The following CNTNAP4 variants were observed in gnomAD, a reference collection of about 807,000 sequenced individuals.
CNTNAP4 encodes the protein contactin-associated protein-like 4.
In CNTNAP4, 98 loss-of-function variants were observed where a neutral mutation model predicts 148.4. That is an observed-to-expected ratio of 0.66 (90% CI 0.56 to 0.78). The LOEUF (loss-of-function observed/expected upper bound fraction) is 0.78, where lower values mean the gene tolerates loss of function less well. CNTNAP4 is among the 30% of genes least tolerant of loss of function. The pLI is 0.00. For synonymous variants in CNTNAP4, 730 were observed against 565.1 expected (o/e 1.29, Z -4.14); for missense variants, 1,935 against 1,565.6 (o/e 1.24, Z -3.98).
chr16:76,515,323 C>G (rs774874462), intron 15 of CNTNAP4, among the ~76,000 whole-genome samples: 47 of 152,172 alleles, frequency 3.1e-4, no homozygotes, highest in Non-Finnish European at 6.0e-4. Flanking sequence ...CCCAATGTGA[C>G]TATATTTGAA....
intron 1 of CNTNAP4, among the ~76,000 whole-genome samples, chr16:76,295,225 G>T (rs1959205026): frequency 6.6e-6 from 1 of 152,160 alleles, no homozygotes; most frequent in South Asian, 2.1e-4. Context: ...GAGGAAAGAA[G>T]GCGGAAACAC....
At chr16:76,437,308 A>C (rs2079867926) in intron 4 of CNTNAP4, among the ~76,000 whole-genome samples, 2 of 152,150 alleles carry the variant, frequency 1.3e-5, no homozygotes, top group African/African-American at 4.8e-5. Flanking sequence ...ACACCCTCAC[A>C]GACACACCCA....
intron 3 of CNTNAP4, among the ~76,000 whole-genome samples, chr16:76,360,513 C>G (rs1223867476): frequency 6.6e-6 from 1 of 152,222 alleles, no homozygotes; most frequent in East Asian, 1.9e-4. Flanking sequence ...TTCTCTTGAC[C>G]TAAGCCTACA....
chr16:76,371,252 A>G (rs1209966613), intron 3 of CNTNAP4, among the ~76,000 whole-genome samples: 1 of 152,144 alleles, frequency 6.6e-6, no homozygotes, highest in Non-Finnish European at 1.5e-5. Flanking sequence ...CAGGGTATAT[A>G]TGTACCTTAA....
At chr16:76,334,672 T>C (rs1300677458) in intron 2 of CNTNAP4, among the ~76,000 whole-genome samples, 1 of 152,148 alleles carries the variant, frequency 6.6e-6, no homozygotes, top group Admixed American at 6.5e-5. Flanking sequence ...ATTAATGTTA[T>C]CCTTTGGGAA....
intron 12 of CNTNAP4, among the ~76,000 whole-genome samples, chr16:76,480,306 T>C (rs561492662): frequency 6.6e-6 from 1 of 152,192 alleles, no homozygotes; most frequent in South Asian, 2.1e-4. Flanking sequence ...ATATCAGCAA[T>C]AAAAATTAGA....
chr16:76,342,664 G>A (rs557394616), intron 2 of CNTNAP4, among the ~76,000 whole-genome samples: 1 of 151,714 alleles, frequency 6.6e-6, no homozygotes, highest in East Asian at 1.9e-4. Context: ...AGTACTGGCG[G>A]GGTTTCACCG....
Position 76,521,967 on chromosome 16 carries a change from C to T in CNTNAP4, c.2537-72C>T, listed in dbSNP as rs1413828789. On this transcript the variant is annotated intron_variant, in intron 16 of 23. Coordinates refer to ENST00000611870, the MANE Select transcript of CNTNAP4 (RefSeq NM_033401.5). ...GCGATTGTTACGCTGTAGTGTGTTC[C>T]TAAGTATATTGGAGACTCGGCACTT... 5 of 1,339,026 alleles carry T rather than the reference C, an allele frequency of 3.7e-6. No individual in the cohort carries two copies. The African/African-American group carries it at 5.8e-5, about 15-fold the overall frequency. 82.9% of individuals were successfully genotyped at this position (1,339,026 alleles called of 1,614,324 possible).
At chr16:76,406,741 C>G (rs929916288) in intron 3 of CNTNAP4, among the ~76,000 whole-genome samples, 4 of 152,024 alleles carry the variant, frequency 2.6e-5, no homozygotes, top group African/African-American at 9.7e-5. Flanking sequence ...TGATCAAGGC[C>G]CTAAGTTCTT....
intron 4 of CNTNAP4, among the ~76,000 whole-genome samples, chr16:76,434,402 A>C (rs1484303514): frequency 6.6e-6 from 1 of 152,202 alleles, no homozygotes; most frequent in Non-Finnish European, 1.5e-5. Flanking sequence ...GCATTTGCCA[A>C]GTCAATGGCT....
At position 76,437,247 on chromosome 16, in the gene CNTNAP4, G is replaced by C. The variant is rs138599360; in HGVS notation, c.538+9648G>C. On this transcript the variant is annotated intron_variant, in intron 4 of 23. Coordinates refer to ENST00000611870, the MANE Select transcript of CNTNAP4 (RefSeq NM_033401.5). ...TAGTTGGTGCCCACCCAGATTAAGG[G>C]TGGGTCTGCCTTCCCCAGCCCACTG... is the stretch of plus-strand genomic sequence containing the variant. Among the ~76,000 whole-genome samples the C allele has an allele frequency of 6.8e-4, 104 of 152,124 alleles. 1 individual carries two copies. The highest frequency in any genetic ancestry group is 6.8e-3 in the Middle Eastern group (2 of 294).
At chr16:76,407,144 T>A (rs1185710488) in intron 3 of CNTNAP4, among the ~76,000 whole-genome samples, 2 of 152,144 alleles carry the variant, frequency 1.3e-5, no homozygotes, top group Non-Finnish European at 2.9e-5. Flanking sequence ...CTAGGACACG[T>A]AAGAATTATG....
At chr16:76,332,513 C>G (rs1022378066) in intron 2 of CNTNAP4, among the ~76,000 whole-genome samples, 31 of 152,064 alleles carry the variant, frequency 2.0e-4, no homozygotes, top group African/African-American at 6.5e-4. Context: ...ATCTGGCCAC[C>G]TCAACCTCCC....
chr16:76,379,336 A>T (rs371222235), intron 3 of CNTNAP4, among the ~76,000 whole-genome samples: 1 of 152,274 alleles, frequency 6.6e-6, no homozygotes, highest in East Asian at 1.9e-4. Context: ...CCTCCCTACA[A>T]TCTGGAGGTT....
At chr16:76,371,936 C>T (rs1383626188) in intron 3 of CNTNAP4, among the ~76,000 whole-genome samples, 1 of 152,190 alleles carries the variant, frequency 6.6e-6, no homozygotes, top group East Asian at 1.9e-4. Context: ...ACTTTTGCCC[C>T]TCACTTTTCC....
intron 18 of CNTNAP4, among the ~76,000 whole-genome samples, chr16:76,536,549 G>A (rs893448613): frequency 1.3e-5 from 2 of 151,986 alleles, no homozygotes; most frequent in African/African-American, 4.8e-5. Context: ...TATTTAAGAT[G>A]CATTGTTTTT....
intron 3 of CNTNAP4, among the ~76,000 whole-genome samples, chr16:76,402,455 G>C (rs1023640469): frequency 1.3e-5 from 2 of 150,800 alleles, no homozygotes; most frequent in Admixed American, 6.6e-5. Flanking sequence ...TATTAATCTA[G>C]CTAGCAACCT....
At chr16:76,308,612 G>C (rs1960754832) in intron 1 of CNTNAP4, among the ~76,000 whole-genome samples, 1 of 152,160 alleles carries the variant, frequency 6.6e-6, no homozygotes, top group South Asian at 2.1e-4. Flanking sequence ...CATTATGAAA[G>C]GAACAATGCT....
chr16:76,544,250 CA>C (rs2144323901), intron 21 of CNTNAP4, among the ~76,000 whole-genome samples: 1 of 150,540 alleles, frequency 6.6e-6, no homozygotes, highest in Admixed American at 6.6e-5. Context: ...ACAATTACAA[CA>C]AACGACTTAA....
Sources: gnomAD v4.1 joint callset for allele counts (sites outside exome capture counted in the v4.1 genomes callset) on GRCh38, gnomAD v4.1.1 for gene constraint, MANE v1.5 for transcripts, NCBI Gene and HGNC (gene_info 2026-07-23, HGNC 2026-07-21) for gene names.